OOSP4A: variants seen among roughly 807,000 people sequenced by gnomAD.
OOSP4A encodes oocyte secreted protein family member 4A.
intron 1 of OOSP4A, 26 bp downstream of exon 1, chr11:59,964,125 G>A: frequency 5.1e-6 from 2 of 394,932 alleles, no homozygotes; most frequent in Non-Finnish European, 8.9e-6. Flanking sequence ...AATTTTTGGA[G>A]GTGGCAATTT....
intron 1 of OOSP4A, 86 bp downstream of exon 1, chr11:59,964,185 T>C (rs1854072384): frequency 7.6e-6 from 3 of 392,706 alleles, no homozygotes; most frequent in Non-Finnish European, 1.3e-5. Flanking sequence ...TTGTTGACTT[T>C]GGGAGTTTGT....
intron 1 of OOSP4A, among the ~76,000 whole-genome samples, 179 bp downstream of exon 1, chr11:59,964,278 C>T (rs1275709883): frequency 1.3e-5 from 2 of 150,918 alleles, no homozygotes; most frequent in African/African-American, 4.9e-5. Context: ...TACCCCTGTA[C>T]TTCCTCTTGA....
In OOSP4A at chr11:59,970,109, T is replaced by TGTAC. The variant is rs979727513; in HGVS notation, c.541_544dup (p.His182ArgfsTer?). 1.5e-5 allele frequency: 6 copies of TGTAC among 398,080 alleles called. No homozygotes were observed. The highest frequency in any genetic ancestry group is 1.2e-4 in the African/African-American group (6 of 48,618). 24.7% of individuals were successfully genotyped at this position (398,080 alleles called of 1,614,324 possible). On this transcript the variant is annotated frameshift_variant, in exon 5 of 5. Transcript: ENST00000645590. LOFTEE classifies it high-confidence loss of function. ...CCCTTCCTAAGTGTAAGAACAAAGC[T>TGTAC]GTACATTCTGGATGATGAGGCTACC...
chr11:59,964,148 CTTTTTTTTTTT>C (rs397848906), intron 1 of OOSP4A, 49 bp downstream of exon 1: 5 of 311,562 alleles, frequency 1.6e-5, no homozygotes, highest in Non-Finnish European at 2.2e-5. Context: ...ATCAGCAGGG[CTTTTTTTTTTT>C]TTTTTTTTTA....
chr11:59,965,477 T>C, intron 1 of OOSP4A, 58 bp from the exon 2 acceptor site: 1 of 397,870 alleles, frequency 2.5e-6, no homozygotes. Flanking sequence ...CCTGAGTTCT[T>C]TGTTTGGGGG....
intron 3 of OOSP4A, among the ~76,000 whole-genome samples, 196 bp from the exon 4 acceptor site, chr11:59,968,954 T>C (rs965204157): frequency 2.6e-5 from 4 of 152,344 alleles, no homozygotes; most frequent in African/African-American, 9.6e-5. Flanking sequence ...AAAAGTCGTA[T>C]GCAACCATCT....
At chr11:59,965,992 G>GT (rs1008343612) in intron 2 of OOSP4A, among the ~76,000 whole-genome samples, 6 of 151,786 alleles carry the variant, frequency 4.0e-5, no homozygotes, top group Non-Finnish European at 8.8e-5. Flanking sequence ...TGTTGTTGTT[G>GT]TTTTTTAAAA....
At chr11:59,968,768 C>T (rs1163869173) in intron 3 of OOSP4A, among the ~76,000 whole-genome samples, 1 of 152,200 alleles carries the variant, frequency 6.6e-6, no homozygotes, top group East Asian at 1.9e-4. Flanking sequence ...AGTGACCCCA[C>T]TTATCCCTCT....
chr11:59,967,582 A>G (rs972867616), intron 3 of OOSP4A, among the ~76,000 whole-genome samples: 1 of 152,144 alleles, frequency 6.6e-6, no homozygotes, highest in Non-Finnish European at 1.5e-5. Flanking sequence ...TATTTTCTCA[A>G]TTTTAAAACT....
chr11:59,966,038 G>A (rs755692641), intron 2 of OOSP4A, among the ~76,000 whole-genome samples: 15 of 151,808 alleles, frequency 9.9e-5, no homozygotes, highest in South Asian at 8.3e-4. Flanking sequence ...GAAACATTTC[G>A]TTTTGAAACA....
At chr11:59,967,587 A>G (rs1188803479) in intron 3 of OOSP4A, among the ~76,000 whole-genome samples, 1 of 152,060 alleles carries the variant, frequency 6.6e-6, no homozygotes, top group Non-Finnish European at 1.5e-5. Flanking sequence ...TCTCAATTTT[A>G]AAACTAGAAT....
chr11:59,965,934 A>AT (rs1398256642), intron 2 of OOSP4A, among the ~76,000 whole-genome samples: 5 of 151,834 alleles, frequency 3.3e-5, no homozygotes, highest in Admixed American at 1.3e-4. Flanking sequence ...ACTTTAAAAT[A>AT]TTTTTTTGGC....
At chr11:59,964,550 T>C (rs1854077937) in intron 1 of OOSP4A, among the ~76,000 whole-genome samples, 1 of 152,148 alleles carries the variant, frequency 6.6e-6, no homozygotes, top group South Asian at 2.1e-4. Flanking sequence ...TTTTCAGAGT[T>C]GAGGCTCTGA....
At chr11:59,969,027 T>C (rs1024335889) in intron 3 of OOSP4A, 123 bp from the exon 4 acceptor site, 1 of 394,600 alleles carries the variant, frequency 2.5e-6, no homozygotes, top group Non-Finnish European at 4.5e-6. Flanking sequence ...CTAGCTGATT[T>C]GGCATTCTCT....
At chr11:59,966,763 C>T (rs113921857) in intron 2 of OOSP4A, among the ~76,000 whole-genome samples, 42 of 152,198 alleles carry the variant, frequency 2.8e-4, no homozygotes, top group African/African-American at 9.2e-4. Flanking sequence ...TGTGAGCCAA[C>T]GTGCCTGGCC....
chr11:59,967,407 T>A (rs1854111708), intron 3 of OOSP4A, among the ~76,000 whole-genome samples: 1 of 152,120 alleles, frequency 6.6e-6, no homozygotes, highest in Non-Finnish European at 1.5e-5. Context: ...CTAAAGAGAT[T>A]ATGTCAGAAA....
chr11:59,966,751 G>A (rs1293811900), intron 2 of OOSP4A, among the ~76,000 whole-genome samples: 3 of 152,122 alleles, frequency 2.0e-5, no homozygotes, highest in Non-Finnish European at 4.4e-5. Context: ...TGGGATTACA[G>A]GTGTGAGCCA....
At chr11:59,969,184 G>C (rs1854132536) in exon 4 of OOSP4A, 1 of 398,782 alleles carries the variant, frequency 2.5e-6, no homozygotes, top group Non-Finnish European at 4.4e-6. Flanking sequence ...GAGAGGGAGA[G>C]AGAATGATAG....
In OOSP4A at chr11:59,964,306, A is replaced by G. The variant is rs76645230; in HGVS notation, c.67+207A>G. ...CCTCTTGAATTTTTCCTCTAAGCTG[A>G]TCTCAAGGTGCTGTTGTTTTTTATT... On this transcript the variant is annotated intron_variant, in intron 1 of 4. Coordinates refer to ENST00000645590, the Ensembl canonical transcript of OOSP4A. Among the ~76,000 whole-genome samples, 330 of 152,034 alleles carry G rather than the reference A, an allele frequency of 2.2e-3. 4 individuals carry two copies. The highest frequency in any genetic ancestry group is 3.5e-3 in the Non-Finnish European group (241 of 67,974).
Sources: allele counts gnomAD v4.1 joint callset (sites outside exome capture counted in the v4.1 genomes callset), GRCh38; gene constraint gnomAD v4.1.1; transcripts MANE v1.5; gene names NCBI Gene and HGNC (gene_info 2026-07-23, HGNC 2026-07-21).